Variants in SIM1 observed in about 807,000 individuals in gnomAD.
SIM1 encodes the protein single-minded homolog 1.
In SIM1, 18 loss-of-function variants were observed where a neutral mutation model predicts 78.2. That is an observed-to-expected ratio of 0.23 (90% CI 0.16 to 0.34). The LOEUF (loss-of-function observed/expected upper bound fraction) is 0.34. SIM1 is among the 10% of genes least tolerant of loss of function. The pLI, the probability that SIM1 is intolerant of heterozygous loss-of-function variation, is 1.00. For missense variants in SIM1, 939 were observed against 975.1 expected, an observed-to-expected ratio of 0.96 and a Z score of 0.49; for synonymous variants, 417 against 385.2, an observed-to-expected ratio of 1.08 and a Z score of -0.97.
intron 4 of SIM1, 109 bp downstream of exon 4, chr6:100,450,158 C>A: frequency 2.4e-6 from 2 of 834,866 alleles, no homozygotes; most frequent in South Asian, 2.9e-5. Flanking sequence ...TGTGAGATGT[C>A]CAGCTCCAGG....
chr6:100,447,400 T>C lies in SIM1; in HGVS notation c.866A>G (p.Gln289Arg). Reference protein sequence around the residue: ...CAHHLLLVKGQVTTKYYRFLA... With the variant: ...CAHHLLLVKGRVTTKYYRFLA... ...GAACCTGTAGTACTTGGTGGTCACC[T>C]GTCCCTTCACCAGCACTGACGGAGA... Residue 289 changes from glutamine (Q) to arginine (R), a missense_variant, in exon 9 of 12, where the codon CAG (glutamine) becomes CGG (arginine). Coordinates refer to ENST00000369208, the MANE Select transcript of SIM1 (RefSeq NM_005068.3). 6.2e-7 allele frequency: 1 copy of C among 1,614,226 alleles called. No homozygotes were observed. Among genetic ancestry groups the C allele is most frequent in the Non-Finnish European group, 8.5e-7 (1 of 1,180,028 alleles).
chr6:100,389,776 AC>A lies in SIM1; in HGVS notation c.*584del, dbSNP rs778180663. 1.6e-4 allele frequency: 62 copies of A among 399,260 alleles called. No homozygotes were observed. The highest frequency in any genetic ancestry group is 2.4e-4 in the Non-Finnish European group (54 of 226,242). 24.7% of individuals were successfully genotyped at this position (399,260 alleles called of 1,614,324 possible). A position where few individuals can be genotyped will look rare whatever the true frequency, so the allele number is the denominator to read the frequency against. On this transcript the variant is annotated 3_prime_UTR_variant, in exon 12 of 12. Transcript: ENST00000369208. ...AACTCATTTTTGCACCATATCCAGA[AC>A]CATTTCTCTAATTTATGCCTGAACC... is the stretch of plus-strand genomic sequence containing the variant.
intron 5 of SIM1, 22 bp downstream of exon 5, chr6:100,449,569 C>G: frequency 6.2e-7 from 1 of 1,604,932 alleles, no homozygotes; most frequent in Non-Finnish European, 8.5e-7. Context: ...GCCTGAGCGT[C>G]GCAGGCATGT....
rs78168174 is a variant in SIM1, at chr6:100,408,916, G to T, written c.1167+11874C>A. On this transcript the variant is annotated intron_variant, in intron 10 of 11. Transcript: ENST00000369208. Reference sequence around the variant, plus strand: ...TTGGCTTCAGTATCAGGGTAATGTTGGCCTTGTAAAATGAGTTTGGAAATG... The same window carrying T: ...TTGGCTTCAGTATCAGGGTAATGTTTGCCTTGTAAAATGAGTTTGGAAATG... Among the ~76,000 whole-genome samples the T allele has an allele frequency of 8.1e-3, 1,238 of 152,060 alleles. 16 individuals are homozygous for T. Among genetic ancestry groups the T allele is most frequent in the African/African-American group, 0.029 (1,183 of 41,500 alleles).
At chr6:100,428,640 T>C (rs1393952025) in intron 9 of SIM1, among the ~76,000 whole-genome samples, 1 of 151,484 alleles carries the variant, frequency 6.6e-6, no homozygotes, top group Non-Finnish European at 1.5e-5. Flanking sequence ...AGAATGTTCA[T>C]ACCTTAAATT....
At chr6:100,433,740 CCACACACACA>C (rs528530747) in intron 9 of SIM1, among the ~76,000 whole-genome samples, 1 of 124,292 alleles carries the variant, frequency 8.0e-6, no homozygotes, top group Non-Finnish European at 1.7e-5. Context: ...ACCCCCCCAC[CCACACACACA>C]CACACACACA....
intron 11 of SIM1, among the ~76,000 whole-genome samples, chr6:100,392,901 T>G (rs748005455): frequency 6.6e-6 from 1 of 152,244 alleles, no homozygotes; most frequent in Admixed American, 6.5e-5. Context: ...AGCCATGTAA[T>G]TATCCCAAGG....
Position 100,409,120 on chromosome 6 carries a change from A to C in SIM1, c.1167+11670T>G, listed in dbSNP as rs137881326. Among the ~76,000 whole-genome samples, 183 of 152,060 alleles carry C rather than the reference A, an allele frequency of 1.2e-3. 1 individual carries two copies. Among genetic ancestry groups the C allele is most frequent in the Middle Eastern group, 0.01 (3 of 294 alleles). On this transcript the variant is annotated intron_variant, in intron 10 of 11. Coordinates refer to ENST00000369208, the MANE Select transcript of SIM1 (RefSeq NM_005068.3). ...GTGTTCAGATTTTCTTTTTTTTTAC[A>C]TACTTTAAGTTTTAGGGTACATGTG... is the stretch of plus-strand genomic sequence containing the variant.
intron 9 of SIM1, among the ~76,000 whole-genome samples, chr6:100,438,572 C>T (rs999640192): frequency 6.6e-6 from 1 of 152,198 alleles, no homozygotes; most frequent in Non-Finnish European, 1.5e-5. Context: ...AAGGAACTAA[C>T]AGTAGAACTA....
intron 10 of SIM1, among the ~76,000 whole-genome samples, chr6:100,416,908 C>T (rs1771414916): frequency 6.6e-6 from 1 of 152,002 alleles, no homozygotes; most frequent in Admixed American, 6.6e-5. Context: ...TAAAATTTGT[C>T]CCCTAAATAG....
chr6:100,438,878 T>A (rs979474238), intron 9 of SIM1, among the ~76,000 whole-genome samples: 2 of 152,168 alleles, frequency 1.3e-5, no homozygotes, highest in African/African-American at 2.4e-5. Flanking sequence ...CCAAATATCA[T>A]ATGTTCTCAG....
chr6:100,417,672 A>C (rs1480334832), intron 10 of SIM1, among the ~76,000 whole-genome samples: 1 of 152,156 alleles, frequency 6.6e-6, no homozygotes, highest in African/African-American at 2.4e-5. Flanking sequence ...CCTGGACAAC[A>C]TGCTTTTCCA....
rs1012047522 is a variant in SIM1 at position 100,389,742 on chromosome 6, C to T, written c.*619G>A. The T allele has an allele frequency of 2.3e-5, 9 of 398,998 alleles. No individual in the cohort carries two copies. The East Asian group carries it at 3.2e-4, about 14-fold the overall frequency. 24.7% of individuals were successfully genotyped at this position (398,998 alleles called of 1,614,324 possible). Reference sequence around the variant, plus strand: ...TCTTCCTGATTGTTTATAATGGATACCAGGTGAAAACTCATTTTTGCACCA... The same window carrying T: ...TCTTCCTGATTGTTTATAATGGATATCAGGTGAAAACTCATTTTTGCACCA... On this transcript the variant is annotated 3_prime_UTR_variant, in exon 12 of 12. Coordinates refer to ENST00000369208, the MANE Select transcript of SIM1 (RefSeq NM_005068.3).
At chr6:100,412,753 A>AG (rs1310317346) in intron 10 of SIM1, among the ~76,000 whole-genome samples, 1 of 132,942 alleles carries the variant, frequency 7.5e-6, no homozygotes, top group Admixed American at 7.9e-5. Context: ...GAAAGAAAGA[A>AG]AAAAGAAAAG....
At chr6:100,445,972 T>G (rs1413792278) in intron 9 of SIM1, among the ~76,000 whole-genome samples, 1 of 152,222 alleles carries the variant, frequency 6.6e-6, no homozygotes, top group African/African-American at 2.4e-5. Context: ...GTGAATTTTG[T>G]TTTGTATTAA....
chr6:100,429,341 C>A (rs1465619058), intron 9 of SIM1, among the ~76,000 whole-genome samples: 2 of 147,344 alleles, frequency 1.4e-5, no homozygotes, highest in Non-Finnish European at 3.0e-5. Flanking sequence ...TGCACTCCAG[C>A]TGGGAGGACA....
At chr6:100,453,041 G>A (rs114015641) in intron 3 of SIM1, among the ~76,000 whole-genome samples, 155 of 152,220 alleles carry the variant, frequency 1.0e-3, no homozygotes, top group African/African-American at 3.4e-3. Flanking sequence ...TGCAGGGTTG[G>A]GACAAGCGCA....
chr6:100,450,038 C>A (rs938697593), intron 4 of SIM1, among the ~76,000 whole-genome samples: 2 of 152,092 alleles, frequency 1.3e-5, no homozygotes, highest in Non-Finnish European at 2.9e-5. Context: ...TCTGGCTTGA[C>A]GTAGGGACTC....
intron 3 of SIM1, 105 bp from the exon 4 acceptor site, chr6:100,450,461 T>C (rs1334191813): frequency 2.1e-6 from 2 of 952,686 alleles, no homozygotes; most frequent in Non-Finnish European, 3.3e-6. Context: ...TGTAGAGAGA[T>C]GGAGTGGAGC....
Sources: gnomAD v4.1 joint callset for allele counts (sites outside exome capture counted in the v4.1 genomes callset) on GRCh38, gnomAD v4.1.1 for gene constraint, MANE v1.5 for transcripts, NCBI Gene and HGNC (gene_info 2026-07-23, HGNC 2026-07-21) for gene names.